The following FBXL7 variants were observed in gnomAD, a reference collection of about 807,000 sequenced individuals.
FBXL7 encodes F-box/LRR-repeat protein 7.
In FBXL7, 12 loss-of-function variants were observed where a neutral mutation model predicts 38.3. The observed-to-expected ratio is 0.31, with a 90% confidence interval of 0.20 to 0.51. The LOEUF is 0.51. Among genes scored for constraint, FBXL7 ranks in the 20% least tolerant of loss-of-function variants. FBXL7 has a pLI of 0.98. For missense variants in FBXL7, 567 were observed against 676.4 expected, an observed-to-expected ratio of 0.84 and a Z score of 1.79; for synonymous variants, 297 against 300.9, an observed-to-expected ratio of 0.99 and a Z score of 0.13.
chr5:15,660,112 G>A (rs1742010545), intron 2 of FBXL7, among the ~76,000 whole-genome samples: 1 of 152,182 alleles, frequency 6.6e-6, no homozygotes, highest in African/African-American at 2.4e-5. Flanking sequence ...CTTGAGGAGT[G>A]AGCCACATTT....
chr5:15,828,566 A>T (rs1441636854), intron 2 of FBXL7, among the ~76,000 whole-genome samples: 1 of 152,202 alleles, frequency 6.6e-6, no homozygotes, highest in Non-Finnish European at 1.5e-5. Context: ...CTTCTCTATT[A>T]ATTGAACACC....
chr5:15,852,039 G>T (rs7713929), intron 2 of FBXL7, among the ~76,000 whole-genome samples: 7,833 of 152,144 alleles, frequency 0.051, 658 homozygotes, highest in African/African-American at 0.18. Context: ...CCTGTCAATG[G>T]CTTCAAGGTC....
At chr5:15,672,645 C>T (rs900493595) in intron 2 of FBXL7, among the ~76,000 whole-genome samples, 4 of 151,416 alleles carry the variant, frequency 2.6e-5, no homozygotes, top group Non-Finnish European at 4.4e-5. Context: ...ACCTCCGCCT[C>T]CCAGGTTCAA....
At chr5:15,520,684 T>C (rs1331231443) in intron 1 of FBXL7, among the ~76,000 whole-genome samples, 2 of 152,250 alleles carry the variant, frequency 1.3e-5, no homozygotes, top group Non-Finnish European at 2.9e-5. Context: ...ATATTTCCGA[T>C]ATTTGCTTTA....
chr5:15,564,014 T>C (rs767053358), intron 1 of FBXL7, among the ~76,000 whole-genome samples: 2 of 152,132 alleles, frequency 1.3e-5, no homozygotes, highest in African/African-American at 2.4e-5. Flanking sequence ...TGAAGCCCTT[T>C]TATCGTTGGA....
intron 2 of FBXL7, among the ~76,000 whole-genome samples, chr5:15,808,991 C>A (rs1033684221): frequency 6.6e-6 from 1 of 152,152 alleles, no homozygotes; most frequent in African/African-American, 2.4e-5. Context: ...CAGTCATTTT[C>A]CTTAAGTGCA....
chr5:15,543,300 C>T (rs962171546), intron 1 of FBXL7, among the ~76,000 whole-genome samples: 5 of 151,938 alleles, frequency 3.3e-5, no homozygotes, highest in Non-Finnish European at 7.4e-5. Context: ...GTAGGGAACT[C>T]CCCTTTATAA....
chr5:15,620,878 A>G (rs942956663), intron 2 of FBXL7, among the ~76,000 whole-genome samples: 3 of 152,156 alleles, frequency 2.0e-5, no homozygotes, highest in Non-Finnish European at 1.5e-5. Context: ...TTCCCTGCGT[A>G]GTCTCTCACC....
At chr5:15,784,408 A>G (rs941331944) in intron 2 of FBXL7, among the ~76,000 whole-genome samples, 6 of 152,250 alleles carry the variant, frequency 3.9e-5, no homozygotes, top group African/African-American at 1.4e-4. Flanking sequence ...ATAAAGAAGC[A>G]CATTTGCTGA....
chr5:15,532,940 A>T (rs1737470940), intron 1 of FBXL7, among the ~76,000 whole-genome samples: 1 of 152,166 alleles, frequency 6.6e-6, no homozygotes, highest in Non-Finnish European at 1.5e-5. Flanking sequence ...GATGCCTCCC[A>T]CTTATTTGAT....
chr5:15,792,544 G>A (rs1453191933), intron 2 of FBXL7, among the ~76,000 whole-genome samples: 1 of 152,166 alleles, frequency 6.6e-6, no homozygotes, highest in African/African-American at 2.4e-5. Flanking sequence ...GATTTAAACA[G>A]TGTGATGAAA....
intron 2 of FBXL7, among the ~76,000 whole-genome samples, chr5:15,668,963 A>G (rs1742372434): frequency 6.6e-6 from 1 of 152,206 alleles, no homozygotes; most frequent in Admixed American, 6.5e-5. Context: ...TGAGTAAATG[A>G]GATAATACAT....
At chr5:15,623,028 C>T (rs1323094887) in intron 2 of FBXL7, among the ~76,000 whole-genome samples, 1 of 152,118 alleles carries the variant, frequency 6.6e-6, no homozygotes, top group East Asian at 1.9e-4. Flanking sequence ...GATTACACAC[C>T]TAATAAATTG....
intron 2 of FBXL7, among the ~76,000 whole-genome samples, chr5:15,679,857 G>A (rs1376548819): frequency 6.6e-6 from 1 of 152,108 alleles, no homozygotes; most frequent in African/African-American, 2.4e-5. Flanking sequence ...GGGAAAAAAT[G>A]AGATAATGAT....
At chr5:15,689,748 T>C (rs1013803646) in intron 2 of FBXL7, among the ~76,000 whole-genome samples, 3 of 152,180 alleles carry the variant, frequency 2.0e-5, no homozygotes, top group Non-Finnish European at 1.5e-5. Flanking sequence ...ACAACAGTCT[T>C]TTAAAATTTT....
intron 2 of FBXL7, among the ~76,000 whole-genome samples, chr5:15,880,697 A>ACCT (rs1286142292): frequency 1.5e-5 from 2 of 133,076 alleles, no homozygotes; most frequent in Non-Finnish European, 3.1e-5. Flanking sequence ...CACTCTACTT[A>ACCT]GTATATATAA....
In FBXL7 at chr5:15,616,088, T is replaced by C; in HGVS notation, c.127+16T>C. On this transcript the variant is annotated intron_variant, in intron 2 of 3. Coordinates refer to ENST00000504595, the MANE Select transcript of FBXL7 (RefSeq NM_012304.5). ...ACCAGCGAAGGTAGGCAGCTGGTCT[T>C]CATTATCTCTCTTTCTTCTTCACAG... 1.3e-6 allele frequency: 2 copies of C among 1,565,398 alleles called. No homozygotes were observed. Among genetic ancestry groups the C allele is most frequent in the Non-Finnish European group, 1.8e-6 (2 of 1,137,874 alleles).
chr5:15,551,134 G>A (rs1312495776), intron 1 of FBXL7, among the ~76,000 whole-genome samples: 1 of 152,156 alleles, frequency 6.6e-6, no homozygotes, highest in African/African-American at 2.4e-5. Flanking sequence ...CCCTGCCACA[G>A]AATTGTCATG....
chr5:15,915,581 C>G (rs1229433919), intron 2 of FBXL7, among the ~76,000 whole-genome samples: 1 of 152,150 alleles, frequency 6.6e-6, no homozygotes, highest in Non-Finnish European at 1.5e-5. Context: ...TAACCTAATA[C>G]GTCAATAGAC....
Sources: gnomAD v4.1 joint callset for allele counts (sites outside exome capture counted in the v4.1 genomes callset) on GRCh38, gnomAD v4.1.1 for gene constraint, MANE v1.5 for transcripts, NCBI Gene and HGNC (gene_info 2026-07-23, HGNC 2026-07-21) for gene names.